The following TESK2 variants were observed in gnomAD, a reference collection of about 807,000 sequenced individuals.
The protein encoded by TESK2 is dual specificity testis-specific protein kinase 2.
Under a neutral mutation model 57.1 loss-of-function variants are expected in TESK2, and 39 were observed. The observed-to-expected ratio is 0.68, with a 90% confidence interval of 0.53 to 0.89. The LOEUF (loss-of-function observed/expected upper bound fraction) is 0.89, where lower values mean the gene tolerates loss of function less well. TESK2 is among the 40% of genes least tolerant of loss of function. The probability of loss-of-function intolerance (pLI) is 0.00; values close to 1 mark genes in which losing one functional copy is unlikely to be tolerated. For synonymous variants in TESK2, 249 were observed against 267.9 expected, an observed-to-expected ratio of 0.93 and a Z score of 0.69; for missense variants, 646 against 732.1, an observed-to-expected ratio of 0.88 and a Z score of 1.36.
intron 2 of TESK2, among the ~76,000 whole-genome samples, chr1:45,425,563 G>A (rs946936686): frequency 3.3e-5 from 5 of 152,042 alleles, no homozygotes; most frequent in African/African-American, 1.2e-4. Flanking sequence ...GCTGAGGTGG[G>A]AGGATTGCTT....
intron 3 of TESK2, among the ~76,000 whole-genome samples, chr1:45,407,171 G>A (rs1401112452): frequency 6.6e-6 from 1 of 152,056 alleles, no homozygotes; most frequent in Non-Finnish European, 1.5e-5. Flanking sequence ...CTGAAACCTT[G>A]AACTCTTGGG....
chr1:45,391,073 A>T (rs1345230195), intron 3 of TESK2, among the ~76,000 whole-genome samples: 1 of 151,766 alleles, frequency 6.6e-6, no homozygotes, highest in African/African-American at 2.4e-5. Context: ...GCATGCCACC[A>T]CACCCAGCTA....
At chr1:45,353,445 T>A (rs1427684702) in intron 5 of TESK2, among the ~76,000 whole-genome samples, 1 of 152,202 alleles carries the variant, frequency 6.6e-6, no homozygotes, top group Non-Finnish European at 1.5e-5. Context: ...AACCATTCTA[T>A]GTGAGGCATC....
At chr1:45,436,715 T>A (rs1456267644) in intron 2 of TESK2, among the ~76,000 whole-genome samples, 2 of 151,824 alleles carry the variant, frequency 1.3e-5, no homozygotes, top group Non-Finnish European at 2.9e-5. Context: ...CTCGAACTCC[T>A]GACCTCAGGT....
Position 45,410,476 on chromosome 1 carries a change from G to C in TESK2, c.344+11249C>G, listed in dbSNP as rs966076290. On this transcript the variant is annotated intron_variant, in intron 3 of 10. Transcript: ENST00000372086. ...AAAAATTAGCTGGGCATGGTGGCGCGTGCCTGTAATCCCAGCTACTCGGGA... is the reference window on the plus strand; with the variant it reads ...AAAAATTAGCTGGGCATGGTGGCGCCTGCCTGTAATCCCAGCTACTCGGGA... Among the ~76,000 whole-genome samples the C allele has an allele frequency of 3.0e-4, 45 of 149,608 alleles. 1 individual carries two copies. The highest frequency in any genetic ancestry group is 3.0e-3 in the Admixed American group (45 of 15,058).
chr1:45,482,599 T>C (rs1318341015), intron 1 of TESK2, among the ~76,000 whole-genome samples: 12 of 63,190 alleles, frequency 1.9e-4, no homozygotes, highest in African/African-American at 2.5e-4. Flanking sequence ...TGGTCAGCCA[T>C]TAAAAAAAAA....
intron 4 of TESK2, among the ~76,000 whole-genome samples, chr1:45,365,820 C>T (rs565097637): frequency 3.3e-5 from 5 of 151,684 alleles, no homozygotes; most frequent in African/African-American, 4.8e-5. Flanking sequence ...GGATTACAGG[C>T]GTGTGCCACC....
intron 4 of TESK2, among the ~76,000 whole-genome samples, chr1:45,357,027 C>T (rs1037518046): frequency 2.6e-5 from 4 of 151,920 alleles, no homozygotes; most frequent in African/African-American, 9.7e-5. Flanking sequence ...AACTCTGTCT[C>T]TGTTAAAAAT....
intron 2 of TESK2, among the ~76,000 whole-genome samples, chr1:45,429,880 AT>A (rs1335951864): frequency 1.3e-5 from 2 of 152,196 alleles, no homozygotes; most frequent in Non-Finnish European, 2.9e-5. Flanking sequence ...CTGCCTTTGC[AT>A]TATAAGAACT....
chr1:45,372,605 G>C (rs1206049795), intron 4 of TESK2, among the ~76,000 whole-genome samples: 1 of 151,430 alleles, frequency 6.6e-6, no homozygotes, highest in Non-Finnish European at 1.5e-5. Flanking sequence ...ACAAGATCTG[G>C]CCTGGTACAG....
intron 3 of TESK2, among the ~76,000 whole-genome samples, chr1:45,418,492 CT>C (rs1650339052): frequency 6.6e-6 from 1 of 152,170 alleles, no homozygotes; most frequent in Non-Finnish European, 1.5e-5. Context: ...CCCAATTCTA[CT>C]TTTCCACCTT....
intron 1 of TESK2, among the ~76,000 whole-genome samples, chr1:45,487,576 G>A (rs1653535173): frequency 6.6e-6 from 1 of 152,186 alleles, no homozygotes; most frequent in Non-Finnish European, 1.5e-5. Context: ...ACTCTGGGCT[G>A]TCCAATTATA....
At chr1:45,453,787 A>G (rs114291559) in intron 2 of TESK2, among the ~76,000 whole-genome samples, 4,099 of 152,284 alleles carry the variant, frequency 0.027, 72 homozygotes, top group Non-Finnish European at 0.04. Flanking sequence ...CAAATCATAT[A>G]TCTGGTAAGG....
chr1:45,428,274 C>T (rs975294493), intron 2 of TESK2, among the ~76,000 whole-genome samples: 1 of 152,090 alleles, frequency 6.6e-6, no homozygotes, highest in Non-Finnish European at 1.5e-5. Context: ...TTCTCAAGAT[C>T]GTACATCTAT....
intron 4 of TESK2, among the ~76,000 whole-genome samples, chr1:45,372,112 G>A (rs934477310): frequency 5.9e-5 from 9 of 152,134 alleles, no homozygotes; most frequent in African/African-American, 2.2e-4. Context: ...GCCAGATGTG[G>A]TGGCACACGC....
chr1:45,458,990 G>A (rs1275257706), intron 1 of TESK2, among the ~76,000 whole-genome samples: 1 of 152,098 alleles, frequency 6.6e-6, no homozygotes, highest in African/African-American at 2.4e-5. Context: ...AAAGGAGGTG[G>A]ATACCTACTC....
intron 1 of TESK2, among the ~76,000 whole-genome samples, chr1:45,465,849 A>C (rs1652529036): frequency 6.6e-6 from 1 of 152,210 alleles, no homozygotes; most frequent in Non-Finnish European, 1.5e-5. Context: ...AACATACAGC[A>C]CTTAGATGAA....
At chr1:45,346,933 C>T (rs1557536957) in intron 8 of TESK2, 46 bp downstream of exon 8, 6 of 1,602,414 alleles carry the variant, frequency 3.7e-6, no homozygotes, top group Non-Finnish European at 5.1e-6. Flanking sequence ...TCCATTGCTT[C>T]AAACTAGCCC....
At chr1:45,366,620 G>A (rs1005908302) in intron 4 of TESK2, among the ~76,000 whole-genome samples, 4 of 152,112 alleles carry the variant, frequency 2.6e-5, no homozygotes, top group Admixed American at 2.6e-4. Context: ...CAGGAACTAG[G>A]TCCTGCTCAA....
Sources: allele counts gnomAD v4.1 joint callset (sites outside exome capture counted in the v4.1 genomes callset), GRCh38; gene constraint gnomAD v4.1.1; transcripts MANE v1.5; gene names NCBI Gene and HGNC (gene_info 2026-07-23, HGNC 2026-07-21).